CPED1: variants seen among roughly 807,000 people sequenced by gnomAD.
CPED1 encodes the protein cadherin-like and PC-esterase domain-containing protein 1.
In CPED1, 114 loss-of-function variants were observed where a neutral mutation model predicts 128.2. That is an observed-to-expected ratio of 0.89 (90% confidence interval 0.76 to 1.04). CPED1 has a LOEUF of 1.04. Ranked by LOEUF, CPED1 falls within the 50% of genes least tolerant of loss-of-function variation. CPED1 has a pLI of 0.00. For missense variants in CPED1, 1,211 were observed against 1,207.1 expected (o/e 1.00, Z -0.05); for synonymous variants, 462 against 426.7 (o/e 1.08, Z -1.02).
intron 16 of CPED1, among the ~76,000 whole-genome samples, chr7:121,223,819 T>C (rs890957993): frequency 2.2e-4 from 33 of 152,246 alleles, no homozygotes; most frequent in African/African-American, 7.9e-4. Flanking sequence ...CTTTATCATT[T>C]TTTATTGTGT....
intron 18 of CPED1, among the ~76,000 whole-genome samples, chr7:121,258,469 G>T (rs985207679): frequency 6.6e-6 from 1 of 152,110 alleles, no homozygotes; most frequent in African/African-American, 2.4e-5. Flanking sequence ...GGTGTTTGCA[G>T]TGAAAGGCAA....
At chr7:121,175,960 G>A (rs187535231) in intron 16 of CPED1, among the ~76,000 whole-genome samples, 1 of 152,064 alleles carries the variant, frequency 6.6e-6, no homozygotes, top group East Asian at 1.9e-4. Flanking sequence ...AGAAACAGTG[G>A]CAGCAGGGGT....
chr7:121,185,995 A>T (rs2116512009), intron 16 of CPED1, among the ~76,000 whole-genome samples: 1 of 152,342 alleles, frequency 6.6e-6, no homozygotes, highest in Admixed American at 6.5e-5. Context: ...TGAGAGTTAC[A>T]TCCAACAAAC....
At chr7:121,183,182 C>T (rs146690049) in intron 16 of CPED1, among the ~76,000 whole-genome samples, 81 of 152,266 alleles carry the variant, frequency 5.3e-4, no homozygotes, top group Middle Eastern at 3.4e-3. Flanking sequence ...CTTATGACAA[C>T]CCAATGGGCT....
intron 4 of CPED1, among the ~76,000 whole-genome samples, chr7:121,052,192 A>C (rs2116920578): frequency 6.6e-6 from 1 of 152,248 alleles, no homozygotes; most frequent in Non-Finnish European, 1.5e-5. Flanking sequence ...CTCTCCCCAC[A>C]GCTGTAAAAT....
At chr7:121,025,794 C>T (rs1792563377) in intron 3 of CPED1, among the ~76,000 whole-genome samples, 2 of 152,122 alleles carry the variant, frequency 1.3e-5, no homozygotes, top group Admixed American at 1.3e-4. Flanking sequence ...TGCAATATCC[C>T]CCTCAGGAGA....
intron 3 of CPED1, among the ~76,000 whole-genome samples, chr7:121,017,363 A>G (rs912947693): frequency 6.6e-6 from 1 of 152,206 alleles, no homozygotes; most frequent in African/African-American, 2.4e-5. Context: ...TGGCTCTATT[A>G]TGTAAGACCA....
At chr7:121,028,111 G>A (rs975441484) in intron 3 of CPED1, among the ~76,000 whole-genome samples, 2 of 152,086 alleles carry the variant, frequency 1.3e-5, no homozygotes, top group African/African-American at 2.4e-5. Context: ...TTTGGCATGC[G>A]TCAGTGTTCT....
intron 5 of CPED1, among the ~76,000 whole-genome samples, chr7:121,095,408 G>A (rs1316066372): frequency 6.6e-6 from 1 of 151,826 alleles, no homozygotes; most frequent in Admixed American, 6.6e-5. Context: ...AGATATAAAT[G>A]AAGCTTATAT....
chr7:121,256,862 T>C (rs905220199), intron 18 of CPED1, among the ~76,000 whole-genome samples: 1 of 152,010 alleles, frequency 6.6e-6, no homozygotes, highest in African/African-American at 2.4e-5. Context: ...GTGGTACATA[T>C]ATACATTCCA....
At chr7:121,095,731 G>A (rs73215363) in intron 5 of CPED1, among the ~76,000 whole-genome samples, 11,320 of 152,034 alleles carry the variant, frequency 0.074, 525 homozygotes, top group Middle Eastern at 0.15. Flanking sequence ...CCAGAAAAAA[G>A]TGACATAAAA....
intron 3 of CPED1, among the ~76,000 whole-genome samples, chr7:121,037,951 T>C (rs1485414906): frequency 2.6e-5 from 4 of 152,192 alleles, no homozygotes; most frequent in Non-Finnish European, 5.9e-5. Context: ...TCACTGTTGG[T>C]GTACAGCAGA....
At chr7:121,266,573 G>C in intron 19 of CPED1, 126 bp downstream of exon 19, 1 of 1,168,958 alleles carries the variant, frequency 8.6e-7, no homozygotes, top group Non-Finnish European at 1.3e-6. Flanking sequence ...AAGTAAGGCA[G>C]CAGAAAACAA....
At chr7:121,068,277 C>G (rs1269901738) in intron 5 of CPED1, among the ~76,000 whole-genome samples, 10 of 152,044 alleles carry the variant, frequency 6.6e-5, no homozygotes, top group East Asian at 1.9e-4. Flanking sequence ...AATCCATCTT[C>G]AATTAATTTT....
chr7:121,265,132 G>A (rs926670837), intron 18 of CPED1, among the ~76,000 whole-genome samples: 2 of 151,884 alleles, frequency 1.3e-5, no homozygotes, highest in African/African-American at 4.8e-5. Flanking sequence ...AACTTTCAAG[G>A]CAGACAGACT....
intron 5 of CPED1, among the ~76,000 whole-genome samples, chr7:121,094,057 GT>G (rs1172227852): frequency 6.6e-6 from 1 of 152,134 alleles, no homozygotes; most frequent in East Asian, 1.9e-4. Flanking sequence ...TTGCAGAGCT[GT>G]TATACCTGTA....
At chr7:121,166,171 G>A (rs1321822627) in intron 16 of CPED1, among the ~76,000 whole-genome samples, 1 of 152,072 alleles carries the variant, frequency 6.6e-6, no homozygotes, top group Non-Finnish European at 1.5e-5. Context: ...ACCACATTTT[G>A]TATGTTATTC....
At chr7:120,999,655 A>G (rs985240573) in intron 2 of CPED1, among the ~76,000 whole-genome samples, 1 of 152,194 alleles carries the variant, frequency 6.6e-6, no homozygotes, top group Admixed American at 6.5e-5. Flanking sequence ...GAGGCTCTCA[A>G]GAGATGTTAT....
At chr7:120,999,867 G>A (rs1016714819) in intron 2 of CPED1, among the ~76,000 whole-genome samples, 3 of 152,088 alleles carry the variant, frequency 2.0e-5, no homozygotes, top group African/African-American at 4.8e-5. Flanking sequence ...TTTTAATGAA[G>A]GCTTGATGAA....
Sources: gnomAD v4.1 joint callset for allele counts (sites outside exome capture counted in the v4.1 genomes callset) on GRCh38, gnomAD v4.1.1 for gene constraint, MANE v1.5 for transcripts, NCBI Gene and HGNC (gene_info 2026-07-23, HGNC 2026-07-21) for gene names.